Variants in POLN observed in about 807,000 individuals in gnomAD.
POLN encodes the protein DNA polymerase N.
A neutral mutation model predicts 113.5 loss-of-function variants in POLN; 108 were observed. That is an observed-to-expected ratio of 0.95 (90% CI 0.81 to 1.12). The LOEUF (loss-of-function observed/expected upper bound fraction) is 1.12. POLN is among the 50% of genes most tolerant of loss of function. The probability of loss-of-function intolerance (pLI) is 0.00; values close to 1 mark genes in which losing one functional copy is unlikely to be tolerated. For synonymous variants in POLN, 386 were observed against 391.5 expected, an observed-to-expected ratio of 0.99 and a Z score of 0.17; for missense variants, 1,097 against 1,077.1, an observed-to-expected ratio of 1.02 and a Z score of -0.26.
At chr4:2,238,421 A>C (rs1388932945) in intron 2 of POLN, among the ~76,000 whole-genome samples, 1 of 151,890 alleles carries the variant, frequency 6.6e-6, no homozygotes, top group Admixed American at 6.6e-5. Flanking sequence ...CATAAATGGA[A>C]AAGGCAGCAA....
At chr4:2,235,560 GA>G (rs1311567917) in intron 2 of POLN, among the ~76,000 whole-genome samples, 2 of 152,140 alleles carry the variant, frequency 1.3e-5, no homozygotes, top group Admixed American at 1.3e-4. Context: ...AGAAAACTAT[GA>G]ATGAACTATA....
chr4:2,188,815 G>A (rs923073466), intron 7 of POLN, among the ~76,000 whole-genome samples: 2 of 152,114 alleles, frequency 1.3e-5, no homozygotes, highest in Non-Finnish European at 1.5e-5. Context: ...CTATGGTAAC[G>A]TGTTAAGAGA....
At chr4:2,217,492 A>G (rs1310388131) in intron 3 of POLN, among the ~76,000 whole-genome samples, 1 of 152,186 alleles carries the variant, frequency 6.6e-6, no homozygotes, top group African/African-American at 2.4e-5. Flanking sequence ...CCAACTTGCA[A>G]TGGACAGCTG....
intron 2 of POLN, chr4:2,239,158 C>G (rs574246017): frequency 1.3e-4 from 70 of 539,004 alleles, no homozygotes; most frequent in African/African-American, 1.2e-3. Context: ...TGAATGAAAA[C>G]TAATTTAATA....
intron 7 of POLN, among the ~76,000 whole-genome samples, chr4:2,189,823 G>A (rs1275028168): frequency 2.0e-5 from 3 of 151,556 alleles, no homozygotes; most frequent in Non-Finnish European, 4.4e-5. Context: ...GAGGTCAGGA[G>A]ATCAAGACCA....
At chr4:2,222,694 CCTT>C (rs1219224019) in intron 3 of POLN, among the ~76,000 whole-genome samples, 2 of 144,586 alleles carry the variant, frequency 1.4e-5, no homozygotes. Context: ...TCACCCACGG[CCTT>C]TTTTTTTTTT....
intron 2 of POLN, chr4:2,231,900 T>C (rs1388136542): frequency 2.1e-6 from 2 of 954,126 alleles, no homozygotes; most frequent in South Asian, 3.0e-5. Flanking sequence ...AGAGGACACG[T>C]AATAAAGATT....
chr4:2,120,982 A>G (rs1731425126), intron 19 of POLN, among the ~76,000 whole-genome samples: 1 of 152,226 alleles, frequency 6.6e-6, no homozygotes, highest in African/African-American at 2.4e-5. Context: ...TTTTGCACAT[A>G]GACAATCATG....
intron 2 of POLN, chr4:2,231,764 G>C: frequency 2.0e-6 from 1 of 507,262 alleles, no homozygotes. Context: ...CTGGTATTCT[G>C]AATGTACTAC....
intron 24 of POLN, 63 bp from the exon 25 acceptor site, chr4:2,073,092 G>A: frequency 1.3e-6 from 2 of 1,550,312 alleles, no homozygotes; most frequent in South Asian, 1.1e-5. Flanking sequence ...GGGAGCCGAA[G>A]ATAAGAGAAC....
At chr4:2,207,513 A>G (rs1733878657) in intron 5 of POLN, among the ~76,000 whole-genome samples, 1 of 152,196 alleles carries the variant, frequency 6.6e-6, no homozygotes, top group South Asian at 2.1e-4. Context: ...AGAGACTTGT[A>G]TCAGAATATA....
intron 19 of POLN, among the ~76,000 whole-genome samples, chr4:2,098,250 C>CA (rs1385620989): frequency 6.6e-6 from 1 of 151,914 alleles, no homozygotes; most frequent in Non-Finnish European, 1.5e-5. Flanking sequence ...CCTGTCTCTA[C>CA]AAAAATGAAA....
intron 19 of POLN, among the ~76,000 whole-genome samples, chr4:2,105,045 C>T (rs542425421): frequency 2.8e-4 from 43 of 152,298 alleles, no homozygotes; most frequent in African/African-American, 1.0e-3. Context: ...CCAACTGAGC[C>T]CCAGTCTCAA....
At chr4:2,074,267 G>T (rs780647901) in intron 24 of POLN, among the ~76,000 whole-genome samples, 1 of 152,150 alleles carries the variant, frequency 6.6e-6, no homozygotes, top group Non-Finnish European at 1.5e-5. Context: ...GCTACACACC[G>T]CCTGGGAGAT....
intron 6 of POLN, among the ~76,000 whole-genome samples, chr4:2,193,530 G>A (rs533085615): frequency 4.6e-5 from 7 of 152,048 alleles, no homozygotes; most frequent in Non-Finnish European, 1.0e-4. Context: ...CCAAGGTCAC[G>A]CAGCTGTCAA....
At chr4:2,080,709 G>C (rs1577679041) in intron 23 of POLN, 6 of 1,393,112 alleles carry the variant, frequency 4.3e-6, no homozygotes, top group Non-Finnish European at 5.6e-6. Context: ...CCGAGGAGGA[G>C]GGGTCTGGGG....
chr4:2,114,074 T>A lies in POLN; in HGVS notation c.1982+14039A>T, dbSNP rs910879177. Among the ~76,000 whole-genome samples, 7 of 151,680 alleles carry A rather than the reference T, an allele frequency of 4.6e-5. No homozygotes were observed. In the East Asian group the frequency reaches 5.8e-4, roughly 13 times the overall value. On this transcript the variant is annotated intron_variant, in intron 19 of 25. Coordinates refer to ENST00000511885, the MANE Select transcript of POLN (RefSeq NM_181808.4). ...ACGTCATGCTCAGCTAATTTTTGTA[T>A]TTTTTGTAGAGATGGTGTTTCTTCA...
intron 6 of POLN, among the ~76,000 whole-genome samples, chr4:2,197,727 C>T (rs533005933): frequency 6.6e-6 from 1 of 152,308 alleles, no homozygotes; most frequent in African/African-American, 2.4e-5. Context: ...ACACATTCCC[C>T]TTCTCCCCAA....
chr4:2,183,914 C>T (rs907844880), intron 7 of POLN, among the ~76,000 whole-genome samples: 3 of 148,464 alleles, frequency 2.0e-5, no homozygotes, highest in Non-Finnish European at 3.0e-5. Context: ...CAGAGTCTTG[C>T]GAGATCTCTG....
Sources: gnomAD v4.1 joint callset for allele counts (sites outside exome capture counted in the v4.1 genomes callset) on GRCh38, gnomAD v4.1.1 for gene constraint, MANE v1.5 for transcripts, NCBI Gene and HGNC (gene_info 2026-07-23, HGNC 2026-07-21) for gene names.